TENM2: variants seen among roughly 807,000 people sequenced by gnomAD.
TENM2 encodes teneurin transmembrane protein 2.
In TENM2, 52 loss-of-function variants were observed where a neutral mutation model predicts 245.2. The ratio of observed to expected loss-of-function variants is 0.21; its 90% CI spans 0.17 to 0.27. TENM2 has a LOEUF of 0.27. Ranked by LOEUF, TENM2 falls within the 10% of genes least tolerant of loss-of-function variation. The probability of loss-of-function intolerance (pLI) is 1.00; values close to 1 mark genes in which losing one functional copy is unlikely to be tolerated. For synonymous variants in TENM2, 1,363 were observed against 1,438.9 expected, an observed-to-expected ratio of 0.95 and a Z score of 1.19; for missense variants, 3,046 against 3,666.8, an observed-to-expected ratio of 0.83 and a Z score of 4.37.
intron 6 of TENM2, among the ~76,000 whole-genome samples, chr5:168,050,359 G>A (rs936279983): frequency 1.3e-5 from 2 of 152,052 alleles, no homozygotes; most frequent in East Asian, 1.9e-4. Flanking sequence ...TGACCTCCGC[G>A]CTCCCCATTC....
At chr5:167,212,065 T>A in the TENM2 span, among the ~76,000 whole-genome samples, 1 of 152,190 alleles carries the variant, frequency 6.6e-6, no homozygotes, top group African/African-American at 2.4e-5. Context: ...CATTGGTGTC[T>A]CATTGGAACC....
At position 167,311,503 on chromosome 5, in the gene TENM2, A is replaced by G. The variant is rs962270740; in HGVS notation, c.226+26440A>G. ...GCTTTCCTTAAATTGTTCTTCTGGA[A>G]TATGATTTCTTTAACAATGATGTGG... On this transcript the variant is annotated intron_variant, in intron 1 of 28. Coordinates refer to ENST00000518659, the Ensembl canonical transcript of TENM2. Among the ~76,000 whole-genome samples the G allele has an allele frequency of 3.3e-4, 50 of 152,226 alleles. 1 individual carries two copies. The highest frequency in any genetic ancestry group is 3.3e-3 in the Admixed American group (50 of 15,276).
At chr5:167,100,727 A>T in the TENM2 span, among the ~76,000 whole-genome samples, 2 of 152,072 alleles carry the variant, frequency 1.3e-5, no homozygotes, top group East Asian at 3.9e-4. Context: ...GGTGCAACAA[A>T]GAGAGTTTTC....
chr5:167,758,476 G>A (rs1456206093), intron 2 of TENM2, among the ~76,000 whole-genome samples: 2 of 152,142 alleles, frequency 1.3e-5, no homozygotes, highest in African/African-American at 4.8e-5. Context: ...AAGAGAGAGA[G>A]GCAGGAGCAC....
Position 167,436,468 on chromosome 5 carries a change from G to A in TENM2, c.502+60995G>A, listed in dbSNP as rs573202438. On this transcript the variant is annotated intron_variant, in intron 2 of 28. Transcript: ENST00000518659. ...GTTTCAAAAGGGAGACAGCAAAAAA[G>A]TTTGGAAAATTTGCAGCCTAATAAT... 5.9e-5 allele frequency among the ~76,000 whole-genome samples: 9 copies of A among 152,248 alleles called. No homozygotes were observed. The East Asian group carries it at 1.7e-3, about 29-fold the overall frequency.
At chr5:167,575,593 G>A (rs949443000) in intron 2 of TENM2, among the ~76,000 whole-genome samples, 2 of 152,158 alleles carry the variant, frequency 1.3e-5, no homozygotes, top group African/African-American at 4.8e-5. Context: ...GTAGTGGGGA[G>A]TAGAGACCAA....
At chr5:167,675,938 T>A (rs1268975497) in intron 2 of TENM2, among the ~76,000 whole-genome samples, 1 of 152,074 alleles carries the variant, frequency 6.6e-6, no homozygotes, top group Non-Finnish European at 1.5e-5. Flanking sequence ...GCTTGGGTAG[T>A]ACATGAATGT....
intron 2 of TENM2, among the ~76,000 whole-genome samples, chr5:167,473,853 C>A (rs1394002212): frequency 1.3e-5 from 2 of 151,870 alleles, no homozygotes; most frequent in Non-Finnish European, 2.9e-5. Context: ...TGGTTCAGGA[C>A]TGGAGCAGTA....
intron 4 of TENM2, among the ~76,000 whole-genome samples, chr5:167,972,991 AC>A (rs960785638): frequency 5.9e-5 from 9 of 151,862 alleles, no homozygotes; most frequent in African/African-American, 2.2e-4. Context: ...AAAACTCCTA[AC>A]CTTTGTTGCC....
At chr5:168,194,386 C>T (rs1158786624) in intron 14 of TENM2, among the ~76,000 whole-genome samples, 5 of 152,018 alleles carry the variant, frequency 3.3e-5, no homozygotes, top group South Asian at 4.2e-4. Context: ...GGTTGGAAAC[C>T]GGGATTTGTG....
At chr5:167,892,942 TC>T (rs1436486707) in intron 3 of TENM2, among the ~76,000 whole-genome samples, 1 of 152,148 alleles carries the variant, frequency 6.6e-6, no homozygotes, top group Non-Finnish European at 1.5e-5. Flanking sequence ...AGCAATAACA[TC>T]CCACATGAAC....
the TENM2 span, among the ~76,000 whole-genome samples, chr5:167,070,411 G>A: frequency 2.0e-5 from 3 of 151,382 alleles, no homozygotes; most frequent in African/African-American, 7.3e-5. Context: ...TTATAGGCAT[G>A]AGCCACTGCG....
rs531743814 is a variant in TENM2 at position 168,238,018 on chromosome 5, G to A, written c.5521-6402G>A. Reference sequence around the variant, plus strand: ...AAATTAGCTGGGCATGGTGGCGGGCGCCTGTAGTCGCAGCTACTCAGGAGG... The same window carrying A: ...AAATTAGCTGGGCATGGTGGCGGGCACCTGTAGTCGCAGCTACTCAGGAGG... On this transcript the variant is annotated intron_variant, in intron 25 of 28. Transcript: ENST00000518659. Among the ~76,000 whole-genome samples the A allele has an allele frequency of 8.2e-3, 1,236 of 151,130 alleles. 16 individuals carry two copies. The highest frequency in any genetic ancestry group is 0.028 in the African/African-American group (1,171 of 41,190).
At chr5:167,871,802 T>G (rs1465724263) in intron 2 of TENM2, among the ~76,000 whole-genome samples, 1 of 152,168 alleles carries the variant, frequency 6.6e-6, no homozygotes, top group Non-Finnish European at 1.5e-5. Context: ...GTCTATCACC[T>G]GGTTACCTGC....
At chr5:168,233,355 A>C (rs1344649217) in intron 25 of TENM2, among the ~76,000 whole-genome samples, 1 of 152,234 alleles carries the variant, frequency 6.6e-6, no homozygotes, top group Non-Finnish European at 1.5e-5. Context: ...ACATCATGGC[A>C]TCTGTGAGCT....
Position 167,460,363 on chromosome 5 carries a change from G to A in TENM2, c.502+84890G>A, listed in dbSNP as rs559494476. ...TACCCCACATAGAATTCCAATATAA[G>A]CCATCTCCCACTATTTTTCCAGCTA... On this transcript the variant is annotated intron_variant, in intron 2 of 28. Transcript: ENST00000518659. Among the ~76,000 whole-genome samples the A allele has an allele frequency of 6.6e-5, 10 of 152,228 alleles. No individual in the cohort carries two copies. In the East Asian group the frequency reaches 1.7e-3, roughly 26 times the overall value.
intron 12 of TENM2, among the ~76,000 whole-genome samples, chr5:168,147,413 G>A (rs183936900): frequency 5.3e-5 from 8 of 152,282 alleles, no homozygotes; most frequent in African/African-American, 1.7e-4. Context: ...CCACGGCCTG[G>A]CTATCCTGAA....
rs370364467 is a variant in TENM2, at chr5:167,945,574, C to T, written c.713-7014C>T. Among the ~76,000 whole-genome samples the T allele has an allele frequency of 1.2e-4, 19 of 152,282 alleles. No homozygotes were observed. The East Asian group carries it at 1.7e-3, about 14-fold the overall frequency. On this transcript the variant is annotated intron_variant, in intron 3 of 28. Transcript: ENST00000518659. ...TGTCCCTGCCGACCCTAGTCCTTTA[C>T]GAACGTAGGCAGAGCGGAGGAAAAC... is the stretch of plus-strand genomic sequence containing the variant.
intron 2 of TENM2, among the ~76,000 whole-genome samples, chr5:167,398,348 T>C (rs766166322): frequency 3.3e-5 from 5 of 151,826 alleles, no homozygotes; most frequent in Admixed American, 6.6e-5. Flanking sequence ...CTTCTTTCTT[T>C]CCTTCTTTCT....
Sources: gnomAD v4.1 joint callset for allele counts (sites outside exome capture counted in the v4.1 genomes callset) on GRCh38, gnomAD v4.1.1 for gene constraint, MANE v1.5 for transcripts, NCBI Gene and HGNC (gene_info 2026-07-23, HGNC 2026-07-21) for gene names.